DACT1: variants seen among roughly 807,000 people sequenced by gnomAD.
DACT1 encodes dapper homolog 1.
A neutral mutation model predicts 35.3 loss-of-function variants in DACT1; 19 were observed. The observed-to-expected ratio is 0.54, with a 90% CI of 0.38 to 0.79. The LOEUF (loss-of-function observed/expected upper bound fraction) is 0.79, where lower values mean the gene tolerates loss of function less well. DACT1 is among the 30% of genes least tolerant of loss of function. The pLI, the probability that DACT1 is intolerant of heterozygous loss-of-function variation, is 0.00. For synonymous variants in DACT1, 545 were observed against 466.7 expected (o/e 1.17, Z -2.16); for missense variants, 1,143 against 1,057.5 (o/e 1.08, Z -1.12).
rs2047668962 is a variant in DACT1 at position 58,645,741 on chromosome 14, A to ACGGGAG, written c.1010_1015dup (p.Gly337_Ser338dup). Reference sequence around the variant, plus strand: ...GACCCCACGAAAGGGCTTCTGAGGAACGGGAGCGTTTGTGTCAGAGCCCCG... The same window carrying ACGGGAG: ...GACCCCACGAAAGGGCTTCTGAGGAACGGGAGCGGGAGCGTTTGTGTCAGAGCCCCG... On this transcript the variant is annotated inframe_insertion, in exon 4 of 4. Transcript: ENST00000395153. 8 of 1,614,060 alleles carry ACGGGAG rather than the reference A, an allele frequency of 5.0e-6. No homozygotes were observed. The highest frequency in any genetic ancestry group is 2.7e-5 in the African/African-American group (2 of 74,942).
intron 2 of DACT1, 56 bp downstream of exon 2, chr14:58,640,924 C>T (rs1251488257): frequency 1.3e-6 from 2 of 1,599,068 alleles, no homozygotes; most frequent in African/African-American, 1.3e-5. Context: ...ATCTCAGCCC[C>T]TTGTGGTTAA....
chr14:58,635,186 G>A (rs1348535992), upstream of DACT1, among the ~76,000 whole-genome samples: 1 of 152,194 alleles, frequency 6.6e-6, no homozygotes, highest in Non-Finnish European at 1.5e-5. Context: ...CAAAACAGTA[G>A]GGGGAAGTGA....
upstream of DACT1, among the ~76,000 whole-genome samples, chr14:58,635,031 A>C (rs1380956140): frequency 1.3e-5 from 2 of 152,252 alleles, no homozygotes; most frequent in Non-Finnish European, 2.9e-5. Context: ...AGTGTCAATT[A>C]ACAGTTTTTC....
chr14:58,638,450 C>T lies in DACT1; in HGVS notation c.248C>T (p.Ala83Val), dbSNP rs975596200. 11 of 1,347,884 alleles carry T rather than the reference C, an allele frequency of 8.2e-6. No homozygotes were observed. In the African/African-American group the frequency reaches 1.2e-4, roughly 15 times the overall value. The allele number at this position is 1,347,884 out of a possible 1,614,324, so 83.5% of individuals were successfully genotyped here. ...LRGAGGAGAA[A>V]PRAGELLGEA... ...GGCGCCGGGGGTGCGGGAGCCGCTG[C>T]GCCCCGCGCTGGGGAGCTACTGGGG... The change falls in exon 1 of 4, where the codon GCG becomes GTG. Residue 83 changes from alanine to valine, a missense_variant. Transcript: ENST00000395153.
At chr14:58,635,639 T>C (rs1366574616), upstream of DACT1, among the ~76,000 whole-genome samples, 1 of 126,242 alleles carries the variant, frequency 7.9e-6, no homozygotes, top group Non-Finnish European at 1.6e-5. Flanking sequence ...TTACGGCAAA[T>C]GGCTTGCTTT....
In DACT1 at chr14:58,645,511, C is replaced by T; in HGVS notation, c.777C>T (p.Asp259=). The T allele has an allele frequency of 1.2e-6, 2 of 1,614,240 alleles. No homozygotes were observed. Among genetic ancestry groups the T allele is most frequent in the Non-Finnish European group, 1.7e-6 (2 of 1,180,038 alleles). ...CLTGNPLREE[D]RLGNHASDIC... ...CGGGCAACCCTCTGAGGGAAGAGGACAGGCTTGGAAACCATGCCAGTGACA... is the reference window on the plus strand; with the variant it reads ...CGGGCAACCCTCTGAGGGAAGAGGATAGGCTTGGAAACCATGCCAGTGACA... The change falls in exon 4 of 4, where the codon GAC becomes GAT. Residue 259 remains aspartate, a synonymous_variant. Coordinates refer to ENST00000395153, the MANE Select transcript of DACT1 (RefSeq NM_001079520.2).
chr14:58,645,787 C>A lies in DACT1; in HGVS notation c.1053C>A (p.Asn351Lys). The change falls in exon 4 of 4, where the codon AAC becomes AAA. Residue 351 changes from asparagine to lysine, a missense_variant. Asn to Lys is a moderately conservative substitution (Grantham distance 94, BLOSUM62 0). This residue lies in a region of DACT1 where 1,054 missense variants were observed against 958.8 expected (regional missense o/e 1.10). Transcript: ENST00000395153. ...VRAPGGVSQGNSVNLKNSKQA... is the reference protein window; with the variant it reads ...VRAPGGVSQGKSVNLKNSKQA... ...CCCCGGGCGGTGTCTCACAGGGCAA[C>A]AGTGTGAACCTTAAGAATTCGAAAC... 6.2e-7 allele frequency: 1 copy of A among 1,614,254 alleles called. No homozygotes were observed.
chr14:58,638,557 G>A lies in DACT1; in HGVS notation c.345+10G>A, dbSNP rs781110719. 49 of 1,333,816 alleles carry A rather than the reference G, an allele frequency of 3.7e-5. No individual in the cohort carries two copies. The highest frequency in any genetic ancestry group is 4.3e-5 in the Non-Finnish European group (45 of 1,035,254). 82.6% of individuals were successfully genotyped at this position (1,333,816 alleles called of 1,614,324 possible). On this transcript the variant is annotated intron_variant, in intron 1 of 3. Transcript: ENST00000395153. Reference sequence around the variant, plus strand: ...GCTAAGAAAGCAATTGGTAGGTCGTGCCCGAAGGTGGAGCACGGCTGTTCC... The same window carrying A: ...GCTAAGAAAGCAATTGGTAGGTCGTACCCGAAGGTGGAGCACGGCTGTTCC...
chr14:58,646,891 CAGCGAGTCGAGTGTGAGCGAG>C lies in DACT1; in HGVS notation c.2158_2178del (p.Ser720_Glu726del), dbSNP rs753359010. 1 of 1,614,138 alleles carries C rather than the reference CAGCGAGTCGAGTGTGAGCGAG, an allele frequency of 6.2e-7. No homozygotes were observed. The highest frequency in any genetic ancestry group is 1.7e-5 in the Admixed American group (1 of 60,034). On this transcript the variant is annotated inframe_deletion, in exon 4 of 4. Transcript: ENST00000395153. ...ATTACACCACCAACTGCTTCGGGGA[CAGCGAGTCGAGTGTGAGCGAG>C]GGCGAGTTCGTGGGGGAGAGCACAA...
Position 58,646,978 on chromosome 14 carries a change from C to T in DACT1, c.2244C>T (p.Ser748=), listed in dbSNP as rs758072910. ...DSEESGGLIW[S]QFVQTLPIQT... is the part of the protein sequence containing the mutation. ...AAGAAAGCGGGGGCTTAATTTGGTC[C>T]CAGTTTGTCCAGACTCTGCCCATTC... The change falls in exon 4 of 4, where the codon TCC becomes TCT. Residue 748 remains serine, a synonymous_variant. Transcript: ENST00000395153. 2.8e-4 allele frequency: 449 copies of T among 1,614,056 alleles called. No homozygotes were observed. Among genetic ancestry groups the T allele is most frequent in the Non-Finnish European group, 3.7e-4 (431 of 1,180,042 alleles).
rs370918124 is a variant in DACT1, at chr14:58,646,718, C to A, written c.1984C>A (p.Arg662=). 1 of 1,613,268 alleles carries A rather than the reference C, an allele frequency of 6.2e-7. No individual in the cohort carries two copies. The highest frequency in any genetic ancestry group is 8.5e-7 in the Non-Finnish European group (1 of 1,179,954). ...CCTGAGGAGGGCCCGGCGCGGTCGC[C>A]GGGAGAATGTGGGGCTGTACCCCGC... ...EALRRARRGR[R]ENVGLYPAPV... is the part of the protein sequence containing the mutation. Residue 662 remains arginine, a synonymous_variant, in exon 4 of 4, where the codon CGG becomes AGG. Transcript: ENST00000395153.
Position 58,645,972 on chromosome 14 carries a change from A to G in DACT1, c.1238A>G (p.Lys413Arg), listed in dbSNP as rs1566510014. ...GGCGCTGCCTCCGACCTTCAGAGTAAGCACCTGCCAAAAACGGCCAAGCCA... is the reference window on the plus strand; with the variant it reads ...GGCGCTGCCTCCGACCTTCAGAGTAGGCACCTGCCAAAAACGGCCAAGCCA... ...PSGAASDLQS[K>R]HLPKTAKPAS... is the part of the protein sequence containing the mutation. The change falls in exon 4 of 4, where the codon AAG becomes AGG. Residue 413 changes from lysine to arginine, a missense_variant. Around this residue, in one of 3 missense-constraint regions of DACT1, gnomAD observed 1,054 missense variants for 958.8 expected, o/e 1.10. Transcript: ENST00000395153. The G allele has an allele frequency of 6.2e-7, 1 of 1,613,844 alleles. No homozygotes were observed. The highest frequency in any genetic ancestry group is 8.5e-7 in the Non-Finnish European group (1 of 1,180,028).
upstream of DACT1, among the ~76,000 whole-genome samples, chr14:58,634,733 T>C (rs956337257): frequency 6.6e-6 from 1 of 152,248 alleles, no homozygotes; most frequent in African/African-American, 2.4e-5. Context: ...CTGATGCCCC[T>C]TACTTTGCTT....
chr14:58,648,000 AGCGTT>A lies in DACT1; in HGVS notation c.*868_*872del, dbSNP rs1242006711. ...TGCTCACTGAGCGCTATGCCACCGA[AGCGTT>A]GACCTGAACATATTAGTGCAATCCA... On this transcript the variant is annotated 3_prime_UTR_variant, in exon 4 of 4. Coordinates refer to ENST00000395153, the MANE Select transcript of DACT1 (RefSeq NM_001079520.2). The A allele has an allele frequency of 9.6e-5, 16 of 167,208 alleles. No individual in the cohort carries two copies. In the Admixed American group the frequency reaches 1.0e-3, roughly 11 times the overall value. 10.4% of individuals were successfully genotyped at this position (167,208 alleles called of 1,614,324 possible).
intron 1 of DACT1, chr14:58,638,784 T>C (rs1274982870): frequency 7.6e-6 from 9 of 1,185,294 alleles, no homozygotes; most frequent in Non-Finnish European, 9.4e-6. Context: ...CTCGCGCGGA[T>C]TGCGGGAAGG....
Position 58,646,358 on chromosome 14 carries a change from G to A in DACT1, c.1624G>A (p.Val542Met), listed in dbSNP as rs1322099910. Reference sequence around the variant, plus strand: ...CCGGGGCCACAGGAACATGGGCGTCGTGAAGAACTCCAGCCTGAAGCACCG... The same window carrying A: ...CCGGGGCCACAGGAACATGGGCGTCATGAAGAACTCCAGCCTGAAGCACCG... ...LHRGHRNMGV[V>M]KNSSLKHRGP... The change falls in exon 4 of 4, where the codon GTG becomes ATG. Residue 542 changes from valine to methionine, a missense_variant. This residue lies in a region of DACT1 where 1,054 missense variants were observed against 958.8 expected (regional missense o/e 1.10). Coordinates refer to ENST00000395153, the MANE Select transcript of DACT1 (RefSeq NM_001079520.2). 6.2e-7 allele frequency: 1 copy of A among 1,606,196 alleles called. No individual in the cohort carries two copies. The highest frequency in any genetic ancestry group is 1.3e-5 in the African/African-American group (1 of 74,360).
chr14:58,634,964 T>C (rs1266867276), upstream of DACT1, among the ~76,000 whole-genome samples: 2 of 152,200 alleles, frequency 1.3e-5, no homozygotes, highest in African/African-American at 4.8e-5. Flanking sequence ...AACTTTATCT[T>C]ACTCTCCAGA....
chr14:58,644,988 A>G (rs2047659196), intron 3 of DACT1, among the ~76,000 whole-genome samples: 1 of 152,224 alleles, frequency 6.6e-6, no homozygotes, highest in Admixed American at 6.5e-5. Context: ...TAAACTTTAA[A>G]GTGTTTTCCC....
chr14:58,646,967 T>C lies in DACT1; in HGVS notation c.2233T>C (p.Leu745=), dbSNP rs2047696939. 4.3e-6 allele frequency: 7 copies of C among 1,614,162 alleles called. No individual in the cohort carries two copies. The highest frequency in any genetic ancestry group is 2.5e-6 in the Non-Finnish European group (3 of 1,180,026). ...TTSDSEESGG[L]IWSQFVQTLP... ...CAGCGACTCTGAAGAAAGCGGGGGC[T>C]TAATTTGGTCCCAGTTTGTCCAGAC... The change falls in exon 4 of 4, where the codon TTA becomes CTA. Residue 745 remains leucine, a synonymous_variant. Transcript: ENST00000395153.
Sources: gnomAD v4.1 joint callset for allele counts (sites outside exome capture counted in the v4.1 genomes callset) on GRCh38, gnomAD v4.1.1 for gene constraint, gnomAD v4.1.1 regional missense constraint, MANE v1.5 for transcripts, NCBI Gene and HGNC (gene_info 2026-07-23, HGNC 2026-07-21) for gene names.